Variants in FREM1 observed in about 807,000 individuals in gnomAD.
FREM1 encodes FRAS1 related extracellular matrix 1.
A neutral mutation model predicts 210.1 loss-of-function variants in FREM1; 220 were observed. The observed-to-expected ratio is 1.05, with a 90% CI of 0.94 to 1.17. The LOEUF is 1.17. FREM1 is among the 50% of genes most tolerant of loss of function. The pLI, the probability that FREM1 is intolerant of heterozygous loss-of-function variation, is 0.00. For synonymous variants in FREM1, 1,189 were observed against 980.2 expected, an observed-to-expected ratio of 1.21 and a Z score of -3.98; for missense variants, 3,454 against 2,675.5, an observed-to-expected ratio of 1.29 and a Z score of -6.42.
rs775569093 is a variant in FREM1, at chr9:14,842,391, C to T, written c.1663G>A (p.Asp555Asn). ...LRASDVDASD[D>N]YIFFNITKPP... ...TTTGTGATATTGAAGAAGATGTAGTCATCACTGGCGTCCACATCTGAAGCT... is the reference window on the plus strand; with the variant it reads ...TTTGTGATATTGAAGAAGATGTAGTTATCACTGGCGTCCACATCTGAAGCT... The change falls in exon 9 of 37, where the codon GAC becomes AAC. Residue 555 changes from aspartate to asparagine, a missense_variant. Coordinates refer to ENST00000380880, the MANE Select transcript of FREM1 (RefSeq NM_001379081.2). 2 of 1,613,310 alleles carry T rather than the reference C, an allele frequency of 1.2e-6. No individual in the cohort carries two copies. Among genetic ancestry groups the T allele is most frequent in the East Asian group, 4.5e-5 (2 of 44,874 alleles).
In FREM1 at chr9:14,756,384, C is replaced by T. The variant is rs760482299; in HGVS notation, c.5397G>A (p.Gln1799=). The change falls in exon 29 of 37, where the codon CAG becomes CAA. Residue 1799 remains glutamine (Q), a synonymous_variant. Transcript: ENST00000380880. ...AGACACAAAATGTACCTGGGTCAAA[C>T]TGAATCAGTTTAGATGGAATCACGG... ...DFTVIPSKLI[Q]FDPGMSTKMW... is the part of the protein sequence containing the mutation. 3 of 1,597,386 alleles carry T rather than the reference C, an allele frequency of 1.9e-6. No homozygotes were observed. In the African/African-American group the frequency reaches 4.0e-5, roughly 21 times the overall value.
At chr9:14,818,429 T>C (rs754132604) in intron 14 of FREM1, among the ~76,000 whole-genome samples, 1 of 152,234 alleles carries the variant, frequency 6.6e-6, no homozygotes, top group Non-Finnish European at 1.5e-5. Context: ...AACTTTCTAG[T>C]CAAGTGCAGA....
At chr9:14,846,733 T>A (rs1190984977) in intron 7 of FREM1, among the ~76,000 whole-genome samples, 1 of 152,162 alleles carries the variant, frequency 6.6e-6, no homozygotes, top group Non-Finnish European at 1.5e-5. Context: ...TTACAGATAA[T>A]CCTGAAAGGG....
chr9:14,877,413 T>G (rs1833958938), intron 1 of FREM1, among the ~76,000 whole-genome samples: 1 of 112,512 alleles, frequency 8.9e-6, no homozygotes, highest in Non-Finnish European at 2.0e-5. Context: ...TCATCACACA[T>G]TCTAAATCTA....
chr9:14,748,665 G>T (rs1482132813), intron 30 of FREM1, 26 bp from the exon 31 acceptor site: 1 of 1,485,058 alleles, frequency 6.7e-7, no homozygotes, highest in Non-Finnish European at 9.3e-7. Context: ...ATGGCAGGCG[G>T]TCAGTTCATT....
intron 3 of FREM1, among the ~76,000 whole-genome samples, chr9:14,863,085 T>C (rs970698977): frequency 6.6e-6 from 1 of 152,266 alleles, no homozygotes; most frequent in South Asian, 2.1e-4. Context: ...CACATCCCTG[T>C]AATCCCAGCA....
intron 2 of FREM1, among the ~76,000 whole-genome samples, chr9:14,865,197 T>C (rs922616103): frequency 6.6e-6 from 1 of 152,162 alleles, no homozygotes; most frequent in African/African-American, 2.4e-5. Context: ...TGGTTCAAAG[T>C]AGAGATACTT....
chr9:14,901,787 C>G (rs1047151567), intron 1 of FREM1, among the ~76,000 whole-genome samples: 2 of 152,124 alleles, frequency 1.3e-5, no homozygotes, highest in Admixed American at 6.5e-5. Context: ...AATTTCTCAG[C>G]CTTGAATTCA....
At position 14,807,934 on chromosome 9, in the gene FREM1, T is replaced by G. The variant is rs1818685639; in HGVS notation, c.3088+6A>C. ...ATAGTACTGGAACAAAAAAACACAT[T>G]GTCACCTATTGCAATGGAAGGTGGC... On this transcript the variant is annotated splice_donor_region_variant and intron_variant, in intron 17 of 36. Transcript: ENST00000380880. 6.2e-7 allele frequency: 1 copy of G among 1,604,340 alleles called. No individual in the cohort carries two copies. Among genetic ancestry groups the G allele is most frequent in the African/African-American group, 1.3e-5 (1 of 74,688 alleles).
At chr9:14,793,625 T>C (rs1042493471) in intron 21 of FREM1, among the ~76,000 whole-genome samples, 1 of 152,204 alleles carries the variant, frequency 6.6e-6, no homozygotes, top group Non-Finnish European at 1.5e-5. Flanking sequence ...GAAAGGGATC[T>C]CTTTCCACCA....
At position 14,797,511 on chromosome 9, in the gene FREM1, G is replaced by C. The variant is rs1435667642; in HGVS notation, c.3826C>G (p.Pro1276Ala). The part of the protein sequence containing the change: ...VEVIPVNDEK[P>A]MLSKKAEIAM... ...CAGGTAGCTTACTTGCTCAGCATTG[G>C]TTTTTCATCATTAACTGGGATGACC... Residue 1276 changes from proline (P) to alanine (A), a missense_variant, in exon 21 of 37, where the codon CCA becomes GCA. Physicochemically the swap from Pro to Ala is conservative, Grantham distance 27. Coordinates refer to ENST00000380880, the MANE Select transcript of FREM1 (RefSeq NM_001379081.2). 3.1e-6 allele frequency: 5 copies of C among 1,608,352 alleles called. No individual in the cohort carries two copies. The highest frequency in any genetic ancestry group is 1.7e-5 in the Admixed American group (1 of 59,198).
chr9:14,800,428 A>G (rs1340379377), intron 20 of FREM1, among the ~76,000 whole-genome samples: 1 of 152,216 alleles, frequency 6.6e-6, no homozygotes, highest in East Asian at 1.9e-4. Flanking sequence ...GAAAAGTGGG[A>G]TAAGATTGAA....
rs369800434 is a variant in FREM1 at position 14,808,095 on chromosome 9, G to A, written c.2933C>T (p.Thr978Ile). 55 of 1,612,498 alleles carry A rather than the reference G, an allele frequency of 3.4e-5. No individual in the cohort carries two copies. The highest frequency in any genetic ancestry group is 4.6e-5 in the Non-Finnish European group (54 of 1,179,168). Residue 978 changes from threonine (T) to isoleucine (I), a missense_variant, in exon 17 of 37, where the codon ACA becomes ATA. By Grantham distance (89) the Thr-to-Ile change is moderately conservative. Transcript: ENST00000380880. ...IGLMPCFDTI[T>I]LVVSDGEAGP... The stretch of plus-strand genomic sequence containing the variant: ...AGCCTCTCCATCCGAAACCACCAAT[G>A]TAATGGTGTCAAAACAAGGCATCAG...
rs1189073482 is a variant in FREM1, at chr9:14,771,071, G to C, written c.4858-265C>G. ...TGCTTGACTGCCACTTAGGATACAA[G>C]TTCCGAGAGGGCAGGCGTCAGGTCT... On this transcript the variant is annotated intron_variant, in intron 25 of 36. Coordinates refer to ENST00000380880, the MANE Select transcript of FREM1 (RefSeq NM_001379081.2). Among the ~76,000 whole-genome samples, 4 of 152,076 alleles carry C rather than the reference G, an allele frequency of 2.6e-5. No homozygotes were observed. The East Asian group carries it at 7.7e-4, about 29-fold the overall frequency.
rs1486718398 is a variant in FREM1 at position 14,746,395 on chromosome 9, T to C, written c.6212A>G (p.Gln2071Arg). 2 of 1,613,790 alleles carry C rather than the reference T, an allele frequency of 1.2e-6. No individual in the cohort carries two copies. Among genetic ancestry groups the C allele is most frequent in the Non-Finnish European group, 1.7e-6 (2 of 1,179,800 alleles). Residue 2071 changes from glutamine (Q) to arginine (R), a missense_variant, in exon 35 of 37, where the codon CAG (glutamine) becomes CGG (arginine). Coordinates refer to ENST00000380880, the MANE Select transcript of FREM1 (RefSeq NM_001379081.2). ...SGYCHILITE[Q>R]KGTWNAAAQA... ...GGCAGCCGCATTCCAGGTGCCTTTC[T>C]GCTCTGTGATCAAGATGTGACAGTA...
chr9:14,750,234 C>T lies in FREM1; in HGVS notation c.5450G>A (p.Gly1817Glu). ...AAAGACCTCATCATCTTCCTCTAAT[C>T]CGTCATAGGTAATTGCTATATTCCA... ...KMWNIAITYD[G>E]LEEDDEVFEV... The change falls in exon 30 of 37, where the codon GGA (glycine) becomes GAA (glutamate). Residue 1817 changes from glycine to glutamate, a missense_variant. Transcript: ENST00000380880. The T allele has an allele frequency of 6.2e-7, 1 of 1,612,996 alleles. No homozygotes were observed. Among genetic ancestry groups the T allele is most frequent in the East Asian group, 2.2e-5 (1 of 44,872 alleles).
In FREM1 at chr9:14,786,137, T is replaced by C. The variant is rs147080377; in HGVS notation, c.4178-1503A>G. On this transcript the variant is annotated intron_variant, in intron 23 of 36. Transcript: ENST00000380880. ...CCTTCACACTAATCTTGTGAGGTAT[T>C]GTCATATCATATGCCCAAATTACAA... Among the ~76,000 whole-genome samples the C allele has an allele frequency of 1.3e-3, 198 of 152,326 alleles. 1 individual carries two copies. Among genetic ancestry groups the C allele is most frequent in the African/African-American group, 4.5e-3 (188 of 41,586 alleles).
chr9:14,870,582 T>C (rs1057138160), intron 1 of FREM1, among the ~76,000 whole-genome samples: 26 of 152,160 alleles, frequency 1.7e-4, no homozygotes, highest in Non-Finnish European at 2.9e-4. Flanking sequence ...AATCAGTGTA[T>C]CCTTTTATCA....
intron 25 of FREM1, among the ~76,000 whole-genome samples, chr9:14,773,134 C>T (rs533112988): frequency 6.6e-6 from 1 of 152,204 alleles, no homozygotes; most frequent in East Asian, 1.9e-4. Context: ...CCCCTGATAA[C>T]TTGTGTTGTA....
Sources: allele counts gnomAD v4.1 joint callset (sites outside exome capture counted in the v4.1 genomes callset), GRCh38; gene constraint gnomAD v4.1.1; transcripts MANE v1.5; gene names NCBI Gene and HGNC (gene_info 2026-07-23, HGNC 2026-07-21).